Variants in PATL1 observed in about 807,000 individuals in gnomAD.
PATL1 encodes protein PAT1 homolog 1.
Under a neutral mutation model 100.6 loss-of-function variants are expected in PATL1, and 32 were observed. The observed-to-expected ratio is 0.32, with a 90% CI of 0.24 to 0.43. The LOEUF (loss-of-function observed/expected upper bound fraction) is 0.43, where lower values mean the gene tolerates loss of function less well. PATL1 is among the 20% of genes least tolerant of loss of function. The pLI is 1.00. For synonymous variants in PATL1, 332 were observed against 330.0 expected (o/e 1.01, Z -0.07); for missense variants, 747 against 949.9 (o/e 0.79, Z 2.81).
Position 59,639,207 on chromosome 11 carries a change from A to G in PATL1, c.2142-10T>C. 1 of 1,613,024 alleles carries G rather than the reference A, an allele frequency of 6.2e-7. No homozygotes were observed. The highest frequency in any genetic ancestry group is 8.5e-7 in the Non-Finnish European group (1 of 1,179,564). The stretch of plus-strand genomic sequence containing the variant: ...GAACATCACCTCCGTCCTGACAGGG[A>G]AGACCCATAATAATATCAGGAGAAA... On this transcript the variant is annotated splice_polypyrimidine_tract_variant and intron_variant, in intron 17 of 18. Transcript: ENST00000300146.
At chr11:59,645,852 A>G (rs1248558862) in intron 15 of PATL1, among the ~76,000 whole-genome samples, 2 of 152,134 alleles carry the variant, frequency 1.3e-5, no homozygotes, top group African/African-American at 2.4e-5. Flanking sequence ...ATATTCCAGG[A>G]TATCTTGTAC....
chr11:59,663,065 A>G (rs535209660), intron 2 of PATL1, among the ~76,000 whole-genome samples: 21 of 152,284 alleles, frequency 1.4e-4, no homozygotes, highest in African/African-American at 4.3e-4. Flanking sequence ...ATAAAACAAT[A>G]TTTCACCCTG....
At chr11:59,646,278 ATTTT>A (rs35277057) in intron 15 of PATL1, among the ~76,000 whole-genome samples, 4,874 of 133,770 alleles carry the variant, frequency 0.036, 106 homozygotes, top group Non-Finnish European at 0.045. Flanking sequence ...CATTTGTGGA[ATTTT>A]TTTTTTTTTT....
In PATL1 at chr11:59,666,905, T is replaced by A. The variant is rs1397276591; in HGVS notation, c.75A>T (p.Glu25Asp). 9.7e-6 allele frequency: 15 copies of A among 1,551,014 alleles called. No homozygotes were observed. The Admixed American group carries it at 1.4e-4, about 14-fold the overall frequency. The change falls in exon 2 of 19, where the codon GAA becomes GAT. Residue 25 changes from glutamate to aspartate, a missense_variant. Coordinates refer to ENST00000300146, the MANE Select transcript of PATL1 (RefSeq NM_152716.3). ...DEDAFQGLGE[E>D]DEEIDQFNDD... ...CATTGAATTGATCAATCTCTTCATC[T>A]TCTTCTCCCAGTCCCTGAAATGCAT...
At chr11:59,651,665 ATTCCAACAAAAT>A in intron 11 of PATL1, 24 bp from the exon 12 acceptor site, 2 of 1,432,052 alleles carry the variant, frequency 1.4e-6, no homozygotes, top group Non-Finnish European at 9.7e-7. Flanking sequence ...AAAAAAAAAA[ATTCCAACAAAAT>A]AAAAAGTCAG....
chr11:59,656,955 A>C (rs1861545526), intron 5 of PATL1: 2 of 414,206 alleles, frequency 4.8e-6, no homozygotes, highest in South Asian at 2.0e-4. Flanking sequence ...GGATTAACTA[A>C]GTCCTATTCT....
chr11:59,658,742 C>T (rs947158156), intron 4 of PATL1, 124 bp downstream of exon 4: 8 of 683,854 alleles, frequency 1.2e-5, no homozygotes, highest in Admixed American at 9.1e-5. Flanking sequence ...GTGCTGGATG[C>T]AGTAGTCGAC....
At chr11:59,653,114 T>TG in intron 9 of PATL1, 96 bp from the exon 10 acceptor site, 1 of 1,008,404 alleles carries the variant, frequency 9.9e-7, no homozygotes, top group Non-Finnish European at 1.4e-6. Context: ...TTTTTTTTTT[T>TG]AAAGATTCCC....
At chr11:59,666,764 A>G in intron 2 of PATL1, 89 bp downstream of exon 2, 1 of 1,325,860 alleles carries the variant, frequency 7.5e-7, no homozygotes, top group Non-Finnish European at 1.0e-6. Context: ...GAATAAGGTT[A>G]CCCCTAATAA....
chr11:59,659,223 T>C (rs1861593128), intron 3 of PATL1, 29 bp downstream of exon 3: 4 of 1,539,116 alleles, frequency 2.6e-6, no homozygotes, highest in African/African-American at 1.4e-5. Context: ...TAGTCTGCTA[T>C]AGTTCTCAAA....
At chr11:59,654,993 T>C (rs1310456578) in intron 8 of PATL1, among the ~76,000 whole-genome samples, 5 of 152,222 alleles carry the variant, frequency 3.3e-5, no homozygotes, top group Non-Finnish European at 5.9e-5. Context: ...TGACCTGCTA[T>C]ACTTATTTCA....
chr11:59,656,959 C>T (rs1438418508), intron 5 of PATL1: 1 of 456,272 alleles, frequency 2.2e-6, no homozygotes, highest in Non-Finnish European at 2.9e-6. Flanking sequence ...TAACTAAGTC[C>T]TATTCTGAAG....
chr11:59,648,185 CTTTTTTTTTTTTT>C (rs887689437), intron 14 of PATL1, among the ~76,000 whole-genome samples: 4 of 130,468 alleles, frequency 3.1e-5, no homozygotes, highest in African/African-American at 8.7e-5. Context: ...AACTTTTTTT[CTTTTTTTTTTTTT>C]TTTTTGAGAC....
chr11:59,650,641 T>G, intron 13 of PATL1, 113 bp downstream of exon 13: 1 of 717,812 alleles, frequency 1.4e-6, no homozygotes, highest in African/African-American at 1.8e-5. Flanking sequence ...AATATATTCA[T>G]GAATTAAAAC....
rs746367025 is a variant in PATL1 at position 59,642,849 on chromosome 11, A to G, written c.2049+31T>C. The stretch of plus-strand genomic sequence containing the variant: ...TATAACGCAAATTAAGACATTTCAC[A>G]AAGTTCAAGGAGTTAAAAGGGCAAG... On this transcript the variant is annotated intron_variant, in intron 16 of 18. Transcript: ENST00000300146. The G allele has an allele frequency of 3.8e-6, 6 of 1,573,020 alleles. No homozygotes were observed. The East Asian group carries it at 1.4e-4, about 36-fold the overall frequency.
At position 59,655,727 on chromosome 11, in the gene PATL1, C is replaced by T. The variant is rs1483197891; in HGVS notation, c.827G>A (p.Arg276Gln). 9 of 1,593,512 alleles carry T rather than the reference C, an allele frequency of 5.6e-6. No individual in the cohort carries two copies. Among genetic ancestry groups the T allele is most frequent in the East Asian group, 4.6e-5 (2 of 43,944 alleles). Reference sequence around the variant, plus strand: ...CCGTGCAAACTGGCTGGGAGACATCCGTCCAGGCTGTAGCTACAAAGAGGA... The same window carrying T: ...CCGTGCAAACTGGCTGGGAGACATCTGTCCAGGCTGTAGCTACAAAGAGGA... Reference protein sequence around the residue: ...LLGGAQLQPGRMSPSQFARVP... With the variant: ...LLGGAQLQPGQMSPSQFARVP... Residue 276 changes from arginine to glutamine, a missense_variant, in exon 8 of 19, where the codon CGG (arginine) becomes CAG (glutamine). This residue lies in a region of PATL1 where 127 missense variants were observed against 116.0 expected (regional missense o/e 1.09). Coordinates refer to ENST00000300146, the MANE Select transcript of PATL1 (RefSeq NM_152716.3).
Position 59,636,988 on chromosome 11 carries a change from G to C in PATL1, c.*1402C>G, listed in dbSNP as rs1861201405. On this transcript the variant is annotated 3_prime_UTR_variant, in exon 19 of 19. Transcript: ENST00000300146. Reference sequence around the variant, plus strand: ...GGGTTACAGCATGGGAAGAAATGGAGATGGAGAACAGGACAGCTGGTTTTA... The same window carrying C: ...GGGTTACAGCATGGGAAGAAATGGACATGGAGAACAGGACAGCTGGTTTTA... 1 of 152,682 alleles carries C rather than the reference G, an allele frequency of 6.5e-6. No homozygotes were observed. Among genetic ancestry groups the C allele is most frequent in the Non-Finnish European group, 1.5e-5 (1 of 68,116 alleles). 9.5% of individuals were successfully genotyped at this position (152,682 alleles called of 1,614,324 possible). A position where few individuals can be genotyped will look rare whatever the true frequency, so the allele number is the denominator to read the frequency against.
At chr11:59,650,283 T>TCAACCA (rs1470459501) in intron 13 of PATL1, among the ~76,000 whole-genome samples, 6 of 152,222 alleles carry the variant, frequency 3.9e-5, no homozygotes, top group Non-Finnish European at 7.3e-5. Flanking sequence ...GCAGCTTGGT[T>TCAACCA]CTAGAGTCCA....
At chr11:59,642,327 T>C (rs1861294257) in intron 16 of PATL1, among the ~76,000 whole-genome samples, 2 of 152,248 alleles carry the variant, frequency 1.3e-5, no homozygotes, top group South Asian at 4.1e-4. Flanking sequence ...TATGCCTTCC[T>C]ACCCATTATC....
Sources: allele counts gnomAD v4.1 joint callset (sites outside exome capture counted in the v4.1 genomes callset), GRCh38; gene constraint gnomAD v4.1.1; regional missense constraint gnomAD v4.1.1; transcripts MANE v1.5; gene names NCBI Gene and HGNC (gene_info 2026-07-23, HGNC 2026-07-21).